Variants in CDK14 observed in about 807,000 individuals in gnomAD.
CDK14 encodes cyclin-dependent kinase 14.
In CDK14, 34 loss-of-function variants were observed where a neutral mutation model predicts 60.7. The observed-to-expected ratio is 0.56, with a 90% CI of 0.43 to 0.75. CDK14 has a LOEUF of 0.75. Among genes scored for constraint, CDK14 ranks in the 30% least tolerant of loss-of-function variants. The pLI is 0.00. For synonymous variants in CDK14, 197 were observed against 203.7 expected, an observed-to-expected ratio of 0.97 and a Z score of 0.28; for missense variants, 482 against 564.1, an observed-to-expected ratio of 0.85 and a Z score of 1.47.
intron 7 of CDK14, among the ~76,000 whole-genome samples, chr7:90,906,205 A>C (rs994246507): frequency 1.2e-4 from 18 of 152,262 alleles, no homozygotes; most frequent in Middle Eastern, 3.4e-3. Flanking sequence ...ACAGCTGTTC[A>C]TAATGCTGTG....
chr7:90,912,776 T>G (rs1283121832), intron 7 of CDK14, among the ~76,000 whole-genome samples: 1 of 151,900 alleles, frequency 6.6e-6, no homozygotes, highest in African/African-American at 2.4e-5. Context: ...CCTGGCTAAG[T>G]TTTTCTATTT....
At chr7:90,657,516 A>G (rs1277466635) in intron 2 of CDK14, among the ~76,000 whole-genome samples, 1 of 152,218 alleles carries the variant, frequency 6.6e-6, no homozygotes. Flanking sequence ...CTAGATCTAT[A>G]TAAATTAATC....
At chr7:90,750,680 C>T (rs922744474) in intron 4 of CDK14, among the ~76,000 whole-genome samples, 5 of 152,150 alleles carry the variant, frequency 3.3e-5, no homozygotes, top group African/African-American at 1.2e-4. Flanking sequence ...TGAAACCAGC[C>T]TGGCCAATAT....
At chr7:91,032,810 C>T (rs1796801256) in intron 10 of CDK14, among the ~76,000 whole-genome samples, 1 of 152,172 alleles carries the variant, frequency 6.6e-6, no homozygotes, top group African/African-American at 2.4e-5. Flanking sequence ...TTACAGCAGT[C>T]ACGGGAAATC....
chr7:90,868,011 G>A (rs933500644), intron 6 of CDK14, among the ~76,000 whole-genome samples: 1 of 151,768 alleles, frequency 6.6e-6, no homozygotes, highest in Admixed American at 6.6e-5. Context: ...TGTGCCTGCA[G>A]TCTTAGCTGC....
intron 10 of CDK14, among the ~76,000 whole-genome samples, chr7:90,996,460 A>G (rs1795683483): frequency 6.6e-6 from 1 of 152,252 alleles, no homozygotes; most frequent in South Asian, 2.1e-4. Context: ...TCACTATTAC[A>G]TAACTTGATA....
intron 2 of CDK14, among the ~76,000 whole-genome samples, chr7:90,636,888 T>C (rs867539167): frequency 5.9e-5 from 9 of 151,768 alleles, no homozygotes; most frequent in Middle Eastern, 3.2e-3. Context: ...GAGGAATTTA[T>C]CCATTTCTTC....
At chr7:90,706,047 T>C (rs1801888667) in intron 2 of CDK14, among the ~76,000 whole-genome samples, 1 of 152,196 alleles carries the variant, frequency 6.6e-6, no homozygotes, top group African/African-American at 2.4e-5. Flanking sequence ...AATGACCTAG[T>C]AGATGTTAGT....
chr7:91,007,849 T>C (rs940148764), intron 10 of CDK14, among the ~76,000 whole-genome samples: 2 of 152,186 alleles, frequency 1.3e-5, no homozygotes, highest in Non-Finnish European at 2.9e-5. Context: ...TGTCCTTCTA[T>C]GTCCATCTGT....
At chr7:90,911,110 G>A (rs970212915) in intron 7 of CDK14, among the ~76,000 whole-genome samples, 1 of 152,086 alleles carries the variant, frequency 6.6e-6, no homozygotes, top group African/African-American at 2.4e-5. Flanking sequence ...CTGTGAAATA[G>A]GGATAGTAAC....
At chr7:91,059,620 G>T (rs1239559093) in intron 11 of CDK14, among the ~76,000 whole-genome samples, 4 of 152,148 alleles carry the variant, frequency 2.6e-5, no homozygotes, top group Admixed American at 6.5e-5. Context: ...GTTCTCATTG[G>T]TTTCAAAGAA....
chr7:90,958,463 A>T (rs1562845235), intron 9 of CDK14, among the ~76,000 whole-genome samples: 1 of 152,166 alleles, frequency 6.6e-6, no homozygotes, highest in Non-Finnish European at 1.5e-5. Context: ...GAGACTAAAG[A>T]TGATCATCTG....
chr7:90,791,327 C>G (rs1212927448), intron 5 of CDK14, among the ~76,000 whole-genome samples: 6 of 151,866 alleles, frequency 4.0e-5, no homozygotes. Flanking sequence ...TCAGTGGGAA[C>G]TTTTCAGTTC....
At chr7:90,645,694 A>G (rs1180687674) in intron 2 of CDK14, among the ~76,000 whole-genome samples, 1 of 152,196 alleles carries the variant, frequency 6.6e-6, no homozygotes, top group African/African-American at 2.4e-5. Flanking sequence ...GTTTTTAGAC[A>G]GTTATAATTT....
At chr7:90,604,309 T>C in intron 2 of CDK14, 60 bp downstream of exon 2, 1 of 1,008,448 alleles carries the variant, frequency 9.9e-7, no homozygotes, top group Admixed American at 3.4e-5. Flanking sequence ...GTAAAGTCAG[T>C]AGCTGCCAAC....
At chr7:90,908,329 G>T (rs193237712) in intron 7 of CDK14, among the ~76,000 whole-genome samples, 2 of 152,176 alleles carry the variant, frequency 1.3e-5, no homozygotes, top group Admixed American at 6.6e-5. Flanking sequence ...ATCATCCGCT[G>T]ATTTGTTCGT....
chr7:90,838,185 C>T (rs960754220), intron 5 of CDK14, among the ~76,000 whole-genome samples: 1 of 151,890 alleles, frequency 6.6e-6, no homozygotes, highest in African/African-American at 2.4e-5. Flanking sequence ...TTTCTTATGC[C>T]TGTTTTACTG....
chr7:91,175,619 C>G (rs1414728093), intron 14 of CDK14, among the ~76,000 whole-genome samples: 1 of 151,330 alleles, frequency 6.6e-6, no homozygotes. Flanking sequence ...GGAAGATCTA[C>G]CAAGCCAATG....
At chr7:90,879,935 G>A (rs1562810380) in intron 6 of CDK14, among the ~76,000 whole-genome samples, 1 of 152,096 alleles carries the variant, frequency 6.6e-6, no homozygotes, top group Non-Finnish European at 1.5e-5. Flanking sequence ...TGGGGAAACT[G>A]TGCTTTTTCC....
Sources: allele counts gnomAD v4.1 joint callset (sites outside exome capture counted in the v4.1 genomes callset), GRCh38; gene constraint gnomAD v4.1.1; transcripts MANE v1.5; gene names NCBI Gene and HGNC (gene_info 2026-07-23, HGNC 2026-07-21).